The following FAM178B variants were observed in gnomAD, a reference collection of about 807,000 sequenced individuals.
The protein encoded by FAM178B is protein FAM178B.
Under a neutral mutation model 91.7 loss-of-function variants are expected in FAM178B, and 82 were observed. The observed-to-expected ratio is 0.89, with a 90% confidence interval of 0.75 to 1.07. FAM178B has a LOEUF of 1.07. Among genes scored for constraint, FAM178B ranks in the 50% least tolerant of loss-of-function variants. The pLI is 0.00. For missense variants in FAM178B, 769 were observed against 846.7 expected (o/e 0.91, Z 1.14); for synonymous variants, 368 against 359.4 (o/e 1.02, Z -0.27).
chr2:96,953,370 G>A (rs2081955840), intron 6 of FAM178B, among the ~76,000 whole-genome samples: 2 of 152,230 alleles, frequency 1.3e-5, no homozygotes, highest in African/African-American at 4.8e-5. Flanking sequence ...ATGTGGTGAG[G>A]AGGCTGGCGC....
chr2:96,916,769 A>G (rs991705340), intron 12 of FAM178B, among the ~76,000 whole-genome samples: 1 of 152,208 alleles, frequency 6.6e-6, no homozygotes, highest in Admixed American at 6.5e-5. Flanking sequence ...ACGCTGAGGC[A>G]GGGGCTGCGG....
intron 14 of FAM178B, among the ~76,000 whole-genome samples, chr2:96,882,992 G>A (rs1420241173): frequency 3.9e-5 from 6 of 152,234 alleles, no homozygotes; most frequent in East Asian, 1.9e-4. Flanking sequence ...CCGAGCTCCC[G>A]TTTTCTGGGT....
At position 96,965,133 on chromosome 2, in the gene FAM178B, G is replaced by A. The variant is rs186840997; in HGVS notation, c.734+2387C>T. On this transcript the variant is annotated intron_variant, in intron 5 of 16. Coordinates refer to ENST00000490605, the MANE Select transcript of FAM178B (RefSeq NM_001122646.3). ...TCCTGCTTCAGCCTCCTGAGTAGCT[G>A]GGATTACAGGTACGCGTCACCACGC... Among the ~76,000 whole-genome samples, 399 of 152,242 alleles carry A rather than the reference G, an allele frequency of 2.6e-3. 17 individuals carry two copies. The East Asian group carries it at 0.044, about 17-fold the overall frequency.
intron 12 of FAM178B, among the ~76,000 whole-genome samples, chr2:96,918,106 C>A (rs61700621): frequency 6.7e-6 from 1 of 149,070 alleles, no homozygotes; most frequent in Non-Finnish European, 1.5e-5. Context: ...AATCAATTCT[C>A]TGCATTATCC....
intron 8 of FAM178B, among the ~76,000 whole-genome samples, chr2:96,946,236 A>G (rs563957395): frequency 1.3e-5 from 2 of 152,214 alleles, no homozygotes; most frequent in Non-Finnish European, 2.9e-5. Context: ...ATGGACATTC[A>G]AAGAATTTCC....
At chr2:96,914,083 C>G (rs191667554) in intron 12 of FAM178B, among the ~76,000 whole-genome samples, 36 of 152,374 alleles carry the variant, frequency 2.4e-4, no homozygotes, top group African/African-American at 8.4e-4. Flanking sequence ...AGTCCACGCT[C>G]TGTTCTGGGT....
chr2:96,947,155 G>A (rs1372577054), intron 8 of FAM178B, among the ~76,000 whole-genome samples: 1 of 152,176 alleles, frequency 6.6e-6, no homozygotes, highest in Non-Finnish European at 1.5e-5. Flanking sequence ...AAAGTGTCTA[G>A]GTTCAGGTAC....
chr2:96,876,061 T>G lies in FAM178B; in HGVS notation c.*215A>C. ...GGGGTGGGCGAGGCAGAGAGGCCCA[T>G]CCCTTGCTGAGAGGAGAGGGGGTCG... On this transcript the variant is annotated 3_prime_UTR_variant, in exon 17 of 17. Transcript: ENST00000490605. The G allele has an allele frequency of 1.7e-6, 1 of 579,664 alleles. No homozygotes were observed. The highest frequency in any genetic ancestry group is 3.1e-6 in the Non-Finnish European group (1 of 326,752). The allele number at this position is 579,664 out of a possible 1,614,324, so 35.9% of individuals were successfully genotyped here. A position where few individuals can be genotyped will look rare whatever the true frequency, so the allele number is the denominator to read the frequency against.
At chr2:96,961,591 CT>C (rs1266625324) in intron 5 of FAM178B, among the ~76,000 whole-genome samples, 1 of 152,190 alleles carries the variant, frequency 6.6e-6, no homozygotes, top group Non-Finnish European at 1.5e-5. Flanking sequence ...TGGACACTGC[CT>C]CTCTTCCTCT....
chr2:96,903,083 A>G (rs1369553924), intron 12 of FAM178B, among the ~76,000 whole-genome samples: 1 of 152,210 alleles, frequency 6.6e-6, no homozygotes, highest in Admixed American at 6.5e-5. Context: ...TCTGTCGCCC[A>G]GGCTGGAGTG....
At chr2:96,917,010 C>T (rs967463140) in intron 12 of FAM178B, among the ~76,000 whole-genome samples, 11 of 151,972 alleles carry the variant, frequency 7.2e-5, no homozygotes, top group African/African-American at 1.5e-4. Context: ...GAGTACAACG[C>T]GGCAGGAAAA....
chr2:96,952,915 A>C (rs2081950416), intron 6 of FAM178B, among the ~76,000 whole-genome samples: 1 of 152,186 alleles, frequency 6.6e-6, no homozygotes. Context: ...AAAGTTTTTC[A>C]GTCAGCCCAA....
At position 96,920,417 on chromosome 2, in the gene FAM178B, C is replaced by T. The variant is rs12053316; in HGVS notation, c.1562+748G>A. 2.5e-4 allele frequency among the ~76,000 whole-genome samples: 38 copies of T among 152,206 alleles called. No individual in the cohort carries two copies. The East Asian group carries it at 3.3e-3, about 13-fold the overall frequency. ...GAGATTGAGACCATCCTGGCTAACA[C>T]GGTGAAACCCTGTCTCCACTAAAAA... On this transcript the variant is annotated intron_variant, in intron 12 of 16. Coordinates refer to ENST00000490605, the MANE Select transcript of FAM178B (RefSeq NM_001122646.3).
At chr2:96,938,231 T>C (rs953768280) in intron 8 of FAM178B, among the ~76,000 whole-genome samples, 3 of 152,038 alleles carry the variant, frequency 2.0e-5, no homozygotes, top group Non-Finnish European at 4.4e-5. Context: ...CAGCTCCACA[T>C]AAAAATCACC....
At chr2:96,900,194 T>A (rs918722704) in intron 13 of FAM178B, among the ~76,000 whole-genome samples, 5 of 152,112 alleles carry the variant, frequency 3.3e-5, no homozygotes, top group African/African-American at 1.2e-4. Context: ...CCCAGAGCCC[T>A]CCCAGGCACC....
At chr2:96,936,422 C>T (rs1201460329) in intron 8 of FAM178B, among the ~76,000 whole-genome samples, 4 of 151,586 alleles carry the variant, frequency 2.6e-5, no homozygotes, top group African/African-American at 9.7e-5. Context: ...AGGATGGTCT[C>T]GATCTCCCGA....
intron 6 of FAM178B, among the ~76,000 whole-genome samples, chr2:96,956,062 G>A (rs979403510): frequency 7.9e-5 from 12 of 152,176 alleles, no homozygotes; most frequent in Non-Finnish European, 1.8e-4. Context: ...GAGGACAAAC[G>A]CACACCCCAA....
intron 8 of FAM178B, among the ~76,000 whole-genome samples, chr2:96,937,729 C>T (rs2081656227): frequency 1.3e-5 from 2 of 152,146 alleles, no homozygotes; most frequent in African/African-American, 2.4e-5. Context: ...AAAAGTCAAA[C>T]ATTAAGAAGT....
At chr2:96,926,302 C>CA (rs201187658) in intron 9 of FAM178B, among the ~76,000 whole-genome samples, 2,850 of 147,638 alleles carry the variant, frequency 0.019, 58 homozygotes, top group African/African-American at 0.05. Context: ...AACTCTGTCT[C>CA]AAAAAAAAAA....
Sources: gnomAD v4.1 joint callset for allele counts (sites outside exome capture counted in the v4.1 genomes callset) on GRCh38, gnomAD v4.1.1 for gene constraint, MANE v1.5 for transcripts, NCBI Gene and HGNC (gene_info 2026-07-23, HGNC 2026-07-21) for gene names.